Variants in MLH3 observed in about 807,000 individuals in gnomAD.
The protein encoded by MLH3 is DNA mismatch repair protein Mlh3.
MLH3 carries 82 observed loss-of-function variants against 122.2 expected under a neutral mutation model. The observed-to-expected ratio is 0.67, with a 90% CI of 0.56 to 0.81. The LOEUF is 0.81. Among genes scored for constraint, MLH3 ranks in the 30% least tolerant of loss-of-function variants. MLH3 has a pLI of 0.00. For synonymous variants in MLH3, 524 were observed against 599.5 expected (o/e 0.87, Z 1.84); for missense variants, 1,539 against 1,714.5 (o/e 0.90, Z 1.81).
intron 11 of MLH3, among the ~76,000 whole-genome samples, chr14:75,021,384 A>G (rs978667131): frequency 6.6e-5 from 10 of 152,256 alleles, no homozygotes; most frequent in African/African-American, 2.4e-4. Context: ...GAATGGGAGA[A>G]AATATTTGCA....
chr14:75,029,869 G>C (rs946419419), intron 9 of MLH3, among the ~76,000 whole-genome samples: 2 of 152,064 alleles, frequency 1.3e-5, no homozygotes, highest in African/African-American at 4.8e-5. Context: ...TTTTCTGGCT[G>C]TGTGCAGTGG....
In MLH3 at chr14:75,018,558, T is replaced by C. The variant is rs192678967; in HGVS notation, c.4242+271A>G. 7.9e-5 allele frequency among the ~76,000 whole-genome samples: 12 copies of C among 152,296 alleles called. No individual in the cohort carries two copies. The East Asian group carries it at 1.4e-3, about 17-fold the overall frequency. On this transcript the variant is annotated intron_variant, in intron 12 of 12. Transcript: ENST00000355774. Reference sequence around the variant, plus strand: ...TATGAAACCTAGAGCCAGCAGGCAATAGATATTCAGGGTACATAAGTCTGT... The same window carrying C: ...TATGAAACCTAGAGCCAGCAGGCAACAGATATTCAGGGTACATAAGTCTGT...
intron 2 of MLH3, 76 bp from the exon 3 acceptor site, chr14:75,042,553 A>C: frequency 1.8e-6 from 2 of 1,121,022 alleles, no homozygotes; most frequent in Non-Finnish European, 1.3e-6. Flanking sequence ...AATCACATAA[A>C]ACCTCTTTCT....
intron 2 of MLH3, 108 bp from the exon 3 acceptor site, chr14:75,042,585 A>C (rs1330243123): frequency 1.3e-6 from 1 of 780,398 alleles, no homozygotes; most frequent in Non-Finnish European, 2.2e-6. Flanking sequence ...GTCAAGACAT[A>C]AAGCAGACTA....
At position 75,015,786 on chromosome 14, in the gene MLH3, A is replaced by T. The variant is rs1889851677; in HGVS notation, c.*1296T>A. On this transcript the variant is annotated 3_prime_UTR_variant, in exon 13 of 13. Transcript: ENST00000355774. The stretch of plus-strand genomic sequence containing the variant: ...TGGGGCAGACGCTAATGAATGCAAT[A>T]CTTTCATTGCTCCTGTAAGATTCAC... 1 of 224,048 alleles carries T rather than the reference A, an allele frequency of 4.5e-6. No individual in the cohort carries two copies. 13.9% of individuals were successfully genotyped at this position (224,048 alleles called of 1,614,324 possible). A position where few individuals can be genotyped will look rare whatever the true frequency, so the allele number is the denominator to read the frequency against.
In MLH3 at chr14:75,048,352, G is replaced by T; in HGVS notation, c.1304C>A (p.Thr435Lys). The change falls in exon 2 of 13, where the codon ACA becomes AAA. Residue 435 changes from threonine (T) to lysine (K), a missense_variant. Transcript: ENST00000355774. ...ATAAATGTACAAAAATGCATCATTT[G>T]TATTTTTTCTGGTAGCTTCTGAATC... The part of the protein sequence containing the change: ...SRDSEATRKN[T>K]NDAFLYIYES... The T allele has an allele frequency of 6.2e-7, 1 of 1,613,596 alleles. No homozygotes were observed. The highest frequency in any genetic ancestry group is 8.5e-7 in the Non-Finnish European group (1 of 1,179,864).
In MLH3 at chr14:75,032,114, G is replaced by A. The variant is rs1891088976; in HGVS notation, c.3781C>T (p.Pro1261Ser). ...RKKLLSSTLI[P>S]PLEITVTEEQ... ...TCTGTCACTGTTATCTCTAGCGGAG[G>A]AATTAGAGTAGAAGACAGTAATTTT... The change falls in exon 8 of 13, where the codon CCT becomes TCT. Residue 1261 changes from proline to serine, a missense_variant. Coordinates refer to ENST00000355774, the MANE Select transcript of MLH3 (RefSeq NM_001040108.2). The A allele has an allele frequency of 1.2e-6, 2 of 1,613,848 alleles. No homozygotes were observed. The highest frequency in any genetic ancestry group is 1.6e-4 in the Middle Eastern group (1 of 6,062).
In MLH3 at chr14:75,030,667, T is replaced by G. The variant is rs1890989969; in HGVS notation, c.3863A>C (p.Glu1288Ala). 5 of 1,613,968 alleles carry G rather than the reference T, an allele frequency of 3.1e-6. No homozygotes were observed. Among genetic ancestry groups the G allele is most frequent in the Non-Finnish European group, 4.2e-6 (5 of 1,179,940 alleles). Residue 1288 changes from glutamate (E) to alanine (A), a missense_variant, in exon 9 of 13, where the codon GAA (glutamate) becomes GCA (alanine). Coordinates refer to ENST00000355774, the MANE Select transcript of MLH3 (RefSeq NM_001040108.2). The stretch of plus-strand genomic sequence containing the variant: ...ATCACTAGTGTCTGGAAATACAAAT[T>G]CAAGGCCCAGATCTTCCAGATTTTT... ...YHKNLEDLGL[E>A]FVFPDTSDSL...
Position 75,047,797 on chromosome 14 carries a change from GA to G in MLH3, c.1858del (p.Ser620GlnfsTer39). On this transcript the variant is annotated frameshift_variant, in exon 2 of 13. Coordinates refer to ENST00000355774, the MANE Select transcript of MLH3 (RefSeq NM_001040108.2). LOFTEE classifies it high-confidence loss of function. ...TTTAAATGAATGTTCTGTTTCAGTT[GA>G]TTTAGTTTTTTCATTTTGTACTACA... ...THVVQNEKTKSTETEHSFKNY... is the reference protein window; with the variant it reads ...THVVQNEKTKXTETEHSFKNY... 6.2e-7 allele frequency: 1 copy of G among 1,614,000 alleles called. No individual in the cohort carries two copies. Among genetic ancestry groups the G allele is most frequent in the Non-Finnish European group, 8.5e-7 (1 of 1,179,952 alleles).
chr14:75,046,908 T>C lies in MLH3; in HGVS notation c.2748A>G (p.Thr916=). The change falls in exon 2 of 13, where the codon ACA becomes ACG. Residue 916 remains threonine (T), a synonymous_variant. Coordinates refer to ENST00000355774, the MANE Select transcript of MLH3 (RefSeq NM_001040108.2). The part of the protein sequence containing the change: ...RKDSKLCSVL[T]QDFCMLFNNK... ...TGTTAAATAACATACAAAAATCTTG[T>C]GTTAACACACTGCACAACTTGCTGT... 6.2e-7 allele frequency: 1 copy of C among 1,614,076 alleles called. No individual in the cohort carries two copies.
At chr14:75,020,305 G>A (rs1444536491) in intron 11 of MLH3, among the ~76,000 whole-genome samples, 1 of 152,206 alleles carries the variant, frequency 6.6e-6, no homozygotes, top group Non-Finnish European at 1.5e-5. Flanking sequence ...AGAGCAATGG[G>A]TCATCATTGA....
At chr14:75,019,658 T>C (rs991313098) in intron 11 of MLH3, among the ~76,000 whole-genome samples, 3 of 152,208 alleles carry the variant, frequency 2.0e-5, no homozygotes, top group South Asian at 2.1e-4. Context: ...TCTTTCTCCA[T>C]GGATCGTCCA....
At position 75,046,457 on chromosome 14, in the gene MLH3, A is replaced by C. The variant is rs746266833; in HGVS notation, c.3199T>G (p.Phe1067Val). 3 of 1,614,058 alleles carry C rather than the reference A, an allele frequency of 1.9e-6. No homozygotes were observed. The highest frequency in any genetic ancestry group is 2.5e-6 in the Non-Finnish European group (3 of 1,180,024). The change falls in exon 2 of 13, where the codon TTC becomes GTC. Residue 1067 changes from phenylalanine (F) to valine (V), a missense_variant. Phe to Val is a conservative substitution (Grantham distance 50). Transcript: ENST00000355774. ...TGAATGTCCTCAGTTGGGGCAATGA[A>C]TGTGCTGAGTCCAGTCATTTTGTTG... ...YVNKMTGLST[F>V]IAPTEDIQAA...
At chr14:75,040,644 C>T (rs1891788301) in intron 4 of MLH3, among the ~76,000 whole-genome samples, 1 of 152,030 alleles carries the variant, frequency 6.6e-6, no homozygotes. Flanking sequence ...TAAACAAATG[C>T]TCATCTATTA....
intron 1 of MLH3, among the ~76,000 whole-genome samples, chr14:75,050,446 C>A (rs564199393): frequency 8.5e-5 from 13 of 152,278 alleles, no homozygotes; most frequent in Middle Eastern, 3.4e-3. Flanking sequence ...GTCACCCAGG[C>A]TGGAGTGCAA....
At position 75,049,472 on chromosome 14, in the gene MLH3, C is replaced by T. The variant is rs761501352; in HGVS notation, c.184G>A (p.Gly62Arg). 71 of 1,614,052 alleles carry T rather than the reference C, an allele frequency of 4.4e-5. No homozygotes were observed. The Admixed American group carries it at 1.2e-3, about 27-fold the overall frequency. Residue 62 changes from glycine to arginine, a missense_variant, in exon 2 of 13, where the codon GGG becomes AGG. Coordinates refer to ENST00000355774, the MANE Select transcript of MLH3 (RefSeq NM_001040108.2). ...CCCACTTTCTCTACATCATCACTCC[C>T]CATCCCAAATCCATTGTCTATCACT... ...VQVIDNGFGMGSDDVEKVGNR... is the reference protein window; with the variant it reads ...VQVIDNGFGMRSDDVEKVGNR...
chr14:75,042,273 G>GT, intron 3 of MLH3, 106 bp downstream of exon 3: 2 of 940,660 alleles, frequency 2.1e-6, no homozygotes, highest in Non-Finnish European at 3.5e-6. Flanking sequence ...CCTGATTCCA[G>GT]TACAGCACAG....
chr14:75,022,673 G>T (rs935781972), intron 11 of MLH3, 141 bp downstream of exon 11: 7 of 852,524 alleles, frequency 8.2e-6, no homozygotes, highest in African/African-American at 1.7e-5. Flanking sequence ...TTTTAAAAGG[G>T]TATATTCAGT....
At chr14:75,035,062 C>CAAAAAAAAAAAAAAAAA (rs36096670) in intron 6 of MLH3, among the ~76,000 whole-genome samples, 77 of 40,200 alleles carry the variant, frequency 1.9e-3, no homozygotes, top group Non-Finnish European at 2.4e-3. Flanking sequence ...GACTCCATCT[C>CAAAAAAAAAAAAAAAAA]AAAAAAAAAA....
Sources: allele counts gnomAD v4.1 joint callset (sites outside exome capture counted in the v4.1 genomes callset), GRCh38; gene constraint gnomAD v4.1.1; transcripts MANE v1.5; gene names NCBI Gene and HGNC (gene_info 2026-07-23, HGNC 2026-07-21).